Variants in CRTC3 observed in about 807,000 individuals in gnomAD.
The protein encoded by CRTC3 is CREB-regulated transcription coactivator 3.
CRTC3 carries 26 observed loss-of-function variants against 74.5 expected under a neutral mutation model. The ratio of observed to expected loss-of-function variants is 0.35; its 90% CI spans 0.26 to 0.48. CRTC3 has a LOEUF of 0.48. Among genes scored for constraint, CRTC3 ranks in the 20% least tolerant of loss-of-function variants. The probability of loss-of-function intolerance (pLI) is 0.99; values close to 1 mark genes in which losing one functional copy is unlikely to be tolerated. For missense variants in CRTC3, 760 were observed against 787.3 expected, an observed-to-expected ratio of 0.97 and a Z score of 0.41; for synonymous variants, 377 against 325.8, an observed-to-expected ratio of 1.16 and a Z score of -1.69.
chr15:90,617,333 C>T (rs773429402), intron 7 of CRTC3, among the ~76,000 whole-genome samples: 7 of 152,168 alleles, frequency 4.6e-5, no homozygotes, highest in East Asian at 1.9e-4. Context: ...ATTACACATT[C>T]GTGAAAGGTT....
chr15:90,602,920 G>A (rs1391781898), intron 4 of CRTC3, among the ~76,000 whole-genome samples: 13 of 152,076 alleles, frequency 8.5e-5, no homozygotes, highest in Admixed American at 8.5e-4. Flanking sequence ...GTTGCAGTGA[G>A]CTGAGATCAC....
chr15:90,636,668 G>A (rs1969249518), intron 11 of CRTC3, among the ~76,000 whole-genome samples: 1 of 151,986 alleles, frequency 6.6e-6, no homozygotes, highest in South Asian at 2.1e-4. Context: ...TCTGACAAAG[G>A]GCTAATATCC....
In CRTC3 at chr15:90,641,971, C is replaced by T. The variant is rs147240227; in HGVS notation, c.1691C>T (p.Ala564Val). ...AGCCTGTTCAAAGACCTCAACAGTG[C>T]GCTGGCAGGCCTGCCTGAGGTCAGC... ...STSLFKDLNS[A>V]LAGLPEVSLN... Residue 564 changes from alanine (A) to valine (V), a missense_variant, in exon 15 of 15, where the codon GCG (alanine) becomes GTG (valine). This residue lies in a region of CRTC3 where 652 missense variants were observed against 635.2 expected (regional missense o/e 1.03). Coordinates refer to ENST00000268184, the MANE Select transcript of CRTC3 (RefSeq NM_022769.5). The T allele has an allele frequency of 6.5e-5, 105 of 1,613,658 alleles. No individual in the cohort carries two copies. The highest frequency in any genetic ancestry group is 9.3e-5 in the African/African-American group (7 of 74,916).
At chr15:90,601,040 C>T (rs1238368855) in intron 3 of CRTC3, among the ~76,000 whole-genome samples, 3 of 152,158 alleles carry the variant, frequency 2.0e-5, no homozygotes, top group East Asian at 1.9e-4. Context: ...TGTGGATCAC[C>T]GCAATTACTA....
intron 2 of CRTC3, among the ~76,000 whole-genome samples, chr15:90,580,440 T>C (rs1567172613): frequency 6.6e-6 from 1 of 151,430 alleles, no homozygotes; most frequent in Non-Finnish European, 1.5e-5. Context: ...TTTTTTTTTT[T>C]CCTGAGACGA....
intron 2 of CRTC3, among the ~76,000 whole-genome samples, chr15:90,592,393 G>A (rs1380879126): frequency 6.6e-6 from 1 of 152,160 alleles, no homozygotes; most frequent in Non-Finnish European, 1.5e-5. Context: ...TGGAGGGGAT[G>A]GGAGAAGAAA....
intron 7 of CRTC3, among the ~76,000 whole-genome samples, chr15:90,616,739 T>C (rs1968503261): frequency 1.3e-5 from 2 of 152,234 alleles, no homozygotes; most frequent in Admixed American, 6.5e-5. Flanking sequence ...GCATTCTTGT[T>C]TTACCTGGCA....
At chr15:90,581,683 A>C (rs933076772) in intron 2 of CRTC3, among the ~76,000 whole-genome samples, 1 of 152,204 alleles carries the variant, frequency 6.6e-6, no homozygotes, top group Admixed American at 6.5e-5. Context: ...TAGACTCATC[A>C]CCAGATTCAA....
At chr15:90,566,098 G>A (rs1282574744) in intron 2 of CRTC3, among the ~76,000 whole-genome samples, 2 of 152,160 alleles carry the variant, frequency 1.3e-5, no homozygotes, top group African/African-American at 4.8e-5. Context: ...AGTTTAAGTG[G>A]TCTGGATAGA....
chr15:90,614,419 G>C, intron 6 of CRTC3, 34 bp from the exon 7 acceptor site: 2 of 1,515,344 alleles, frequency 1.3e-6, no homozygotes, highest in Admixed American at 1.7e-5. Context: ...CCACATAAAA[G>C]TGTTTTCTTT....
chr15:90,639,525 C>T (rs1011105814), intron 13 of CRTC3, among the ~76,000 whole-genome samples: 2 of 147,878 alleles, frequency 1.4e-5, no homozygotes, highest in African/African-American at 5.0e-5. Context: ...TCTCGGCTTA[C>T]TGCAACCTCC....
intron 6 of CRTC3, 170 bp from the exon 7 acceptor site, chr15:90,614,283 A>G: frequency 1.8e-6 from 1 of 549,254 alleles, no homozygotes; most frequent in Non-Finnish European, 3.2e-6. Context: ...AGCTATACCT[A>G]TTTTTAGTAT....
At chr15:90,540,817 A>G (rs1400991928) in intron 2 of CRTC3, among the ~76,000 whole-genome samples, 1 of 152,224 alleles carries the variant, frequency 6.6e-6, no homozygotes, top group Non-Finnish European at 1.5e-5. Flanking sequence ...CAATATATCC[A>G]AAATATGATC....
At chr15:90,581,489 T>C (rs1378532742) in intron 2 of CRTC3, among the ~76,000 whole-genome samples, 2 of 152,252 alleles carry the variant, frequency 1.3e-5, no homozygotes, top group East Asian at 3.8e-4. Context: ...AAAGTTGTTT[T>C]GTTGGCTGGC....
At position 90,552,825 on chromosome 15, in the gene CRTC3, T is replaced by G. The variant is rs570844817; in HGVS notation, c.231+12688T>G. Among the ~76,000 whole-genome samples, 22 of 152,358 alleles carry G rather than the reference T, an allele frequency of 1.4e-4. No individual in the cohort carries two copies. The East Asian group carries it at 4.2e-3, about 29-fold the overall frequency. On this transcript the variant is annotated intron_variant, in intron 2 of 14. Coordinates refer to ENST00000268184, the MANE Select transcript of CRTC3 (RefSeq NM_022769.5). ...GAAAACTGATTCCTTCCCAAGCATC[T>G]AACTAAATTCTGATCATGTGTAGTC...
intron 2 of CRTC3, among the ~76,000 whole-genome samples, chr15:90,547,884 G>A (rs868239672): frequency 2.3e-5 from 3 of 128,674 alleles, no homozygotes; most frequent in Non-Finnish European, 3.2e-5. Context: ...GTAGCTTTTC[G>A]TATCCTTTTT....
chr15:90,556,267 G>C (rs1966889220), intron 2 of CRTC3, among the ~76,000 whole-genome samples: 1 of 151,948 alleles, frequency 6.6e-6, no homozygotes, highest in African/African-American at 2.4e-5. Context: ...ACACTTTTAT[G>C]TATGAGTCAT....
intron 2 of CRTC3, among the ~76,000 whole-genome samples, chr15:90,569,548 A>ACCTCAG (rs757764778): frequency 3.5e-4 from 9 of 25,866 alleles, no homozygotes; most frequent in Non-Finnish European, 6.6e-4. Context: ...CAAACTCCTG[A>ACCTCAG]GACATATACC....
At chr15:90,585,067 C>G (rs1475702688) in intron 2 of CRTC3, among the ~76,000 whole-genome samples, 1 of 152,190 alleles carries the variant, frequency 6.6e-6, no homozygotes, top group African/African-American at 2.4e-5. Context: ...CTTAGCAAGA[C>G]TGTTAACCTG....
Sources: gnomAD v4.1 joint callset for allele counts (sites outside exome capture counted in the v4.1 genomes callset) on GRCh38, gnomAD v4.1.1 for gene constraint, gnomAD v4.1.1 regional missense constraint, MANE v1.5 for transcripts, NCBI Gene and HGNC (gene_info 2026-07-23, HGNC 2026-07-21) for gene names.